The following IDE variants were observed in gnomAD, a reference collection of about 807,000 sequenced individuals.
IDE encodes insulin-degrading enzyme.
IDE carries 58 observed loss-of-function variants against 133.2 expected under a neutral mutation model. That is an observed-to-expected ratio of 0.44 (90% CI 0.35 to 0.54). IDE has a LOEUF of 0.54. Ranked by LOEUF, IDE falls within the 20% of genes least tolerant of loss-of-function variation. The probability of loss-of-function intolerance (pLI) is 0.00; values close to 1 mark genes in which losing one functional copy is unlikely to be tolerated. For synonymous variants in IDE, 396 were observed against 421.3 expected, an observed-to-expected ratio of 0.94 and a Z score of 0.73; for missense variants, 981 against 1,234.0, an observed-to-expected ratio of 0.79 and a Z score of 3.07.
intron 4 of IDE, among the ~76,000 whole-genome samples, chr10:92,530,365 GCTCA>G (rs1403024950): frequency 4.0e-5 from 6 of 151,022 alleles, no homozygotes; most frequent in African/African-American, 1.5e-4. Context: ...CTCAATTGTG[GCTCA>G]CTGCAGTTGA....
chr10:92,498,689 G>C (rs566492309), intron 11 of IDE, among the ~76,000 whole-genome samples: 1 of 152,132 alleles, frequency 6.6e-6, no homozygotes, highest in Non-Finnish European at 1.5e-5. Context: ...CCCGGGAGGC[G>C]GAGGTGCAGT....
chr10:92,541,246 G>T, intron 1 of IDE: 1 of 429,816 alleles, frequency 2.3e-6, no homozygotes, highest in East Asian at 8.0e-5. Context: ...ACAAAGTCTG[G>T]GTTTACCTAT....
At chr10:92,490,087 C>T (rs1403545604) in intron 12 of IDE, among the ~76,000 whole-genome samples, 1 of 152,188 alleles carries the variant, frequency 6.6e-6, no homozygotes, top group African/African-American at 2.4e-5. Flanking sequence ...ATAGCACCTC[C>T]TGAAGTGAAG....
At chr10:92,524,384 ATAT>A (rs1291233083) in intron 4 of IDE, among the ~76,000 whole-genome samples, 1 of 88,830 alleles carries the variant, frequency 1.1e-5, no homozygotes, top group African/African-American at 4.6e-5. Flanking sequence ...ATTATATATA[ATAT>A]ATTTTATATA....
intron 21 of IDE, among the ~76,000 whole-genome samples, chr10:92,462,317 T>TAAAA (rs57235158): frequency 1.1e-4 from 8 of 75,156 alleles, no homozygotes; most frequent in Admixed American, 1.6e-4. Context: ...AACTGTCTCA[T>TAAAA]AAAAAAAAAA....
chr10:92,494,052 C>T (rs1267633886), intron 11 of IDE, among the ~76,000 whole-genome samples: 10 of 152,080 alleles, frequency 6.6e-5, no homozygotes, highest in Non-Finnish European at 7.4e-5. Flanking sequence ...CATTTTAGAC[C>T]ATCTGCCGAA....
chr10:92,465,770 G>A lies in IDE; in HGVS notation c.2394C>T (p.Asp798=), dbSNP rs1227043631. 10 of 1,613,632 alleles carry A rather than the reference G, an allele frequency of 6.2e-6. No homozygotes were observed. Among genetic ancestry groups the A allele is most frequent in the Non-Finnish European group, 7.6e-6 (9 of 1,179,602 alleles). Residue 798 remains aspartate (D), a synonymous_variant, in exon 20 of 25, where the codon GAC becomes GAT. Transcript: ENST00000265986. ...NCGIEIYYQT[D]MQSTSENMFL... is the part of the protein sequence containing the mutation. ...ACATATTCTCTGAGGTGCTTTGCAT[G>A]TCTGTTTGGTAGTATATCTCGATGC...
At chr10:92,552,006 T>C (rs759705554) in intron 1 of IDE, among the ~76,000 whole-genome samples, 2 of 152,180 alleles carry the variant, frequency 1.3e-5, no homozygotes, top group African/African-American at 2.4e-5. Context: ...ATAAATTTTA[T>C]GTTACATATT....
At chr10:92,473,938 C>T (rs1306129954) in intron 17 of IDE, among the ~76,000 whole-genome samples, 3 of 151,790 alleles carry the variant, frequency 2.0e-5, no homozygotes, top group South Asian at 2.1e-4. Context: ...GCTGAGATTG[C>T]ACCACTGCAC....
At chr10:92,488,734 G>A (rs896172051) in intron 12 of IDE, among the ~76,000 whole-genome samples, 18 of 150,860 alleles carry the variant, frequency 1.2e-4, no homozygotes, top group African/African-American at 2.9e-4. Flanking sequence ...CCAAGATGGC[G>A]CCATTGCACT....
At position 92,522,949 on chromosome 10, in the gene IDE, G is replaced by A. The variant is rs529220778; in HGVS notation, c.662-7907C>T. 7.9e-5 allele frequency among the ~76,000 whole-genome samples: 12 copies of A among 152,248 alleles called. No homozygotes were observed. In the South Asian group the frequency reaches 2.3e-3, roughly 29 times the overall value. On this transcript the variant is annotated intron_variant, in intron 4 of 24. Transcript: ENST00000265986. ...AAAATTACACTCAGTGAAATCCTGG[G>A]TTTGCCTTGCTTCCCCAACTAAACT...
At chr10:92,522,805 T>C (rs988596290) in intron 4 of IDE, among the ~76,000 whole-genome samples, 3 of 152,238 alleles carry the variant, frequency 2.0e-5, no homozygotes, top group Admixed American at 6.5e-5. Flanking sequence ...CTGGGGTTAC[T>C]GTGAGAATTA....
intron 4 of IDE, among the ~76,000 whole-genome samples, chr10:92,528,313 G>A (rs183382762): frequency 6.6e-6 from 1 of 152,126 alleles, no homozygotes; most frequent in East Asian, 1.9e-4. Context: ...TTATTGTTGT[G>A]GTTTATTTTT....
rs182056762 is a variant in IDE at position 92,456,462 on chromosome 10, T to C, written c.2824-31A>G. 195 of 1,487,894 alleles carry C rather than the reference T, an allele frequency of 1.3e-4. 1 individual carries two copies. Among genetic ancestry groups the C allele is most frequent in the Middle Eastern group, 8.6e-4 (5 of 5,808 alleles). The allele number at this position is 1,487,894 out of a possible 1,614,324, so 92.2% of individuals were successfully genotyped here. A position where few individuals can be genotyped will look rare whatever the true frequency, so the allele number is the denominator to read the frequency against. The stretch of plus-strand genomic sequence containing the variant: ...CACAAAGAAGAGCAGGGTCACCCTT[T>C]TGCTCCACTAAAGAACTTACAATGA... On this transcript the variant is annotated intron_variant, in intron 22 of 24. Transcript: ENST00000265986.
chr10:92,556,563 G>C (rs1843020393), intron 1 of IDE, among the ~76,000 whole-genome samples: 1 of 152,088 alleles, frequency 6.6e-6, no homozygotes, highest in Non-Finnish European at 1.5e-5. Context: ...TTCGAGACCA[G>C]CCTGGCCAAC....
chr10:92,477,026 G>A (rs761856576), intron 15 of IDE, among the ~76,000 whole-genome samples: 3 of 152,070 alleles, frequency 2.0e-5, no homozygotes, highest in African/African-American at 4.8e-5. Context: ...ATGAGCCACC[G>A]TGCCAGGCAG....
chr10:92,564,711 C>T (rs1483658334), intron 1 of IDE, among the ~76,000 whole-genome samples: 2 of 52,086 alleles, frequency 3.8e-5, no homozygotes, highest in Non-Finnish European at 8.5e-5. Flanking sequence ...AAAAAAAAAA[C>T]TGAAACTGTA....
At chr10:92,490,071 T>C (rs1337955455) in intron 12 of IDE, among the ~76,000 whole-genome samples, 4 of 152,192 alleles carry the variant, frequency 2.6e-5, no homozygotes, top group South Asian at 2.1e-4. Flanking sequence ...ACATGAGGCA[T>C]AAAACATAGC....
At chr10:92,569,719 A>G (rs1330498331) in intron 1 of IDE, among the ~76,000 whole-genome samples, 1 of 152,222 alleles carries the variant, frequency 6.6e-6, no homozygotes, top group African/African-American at 2.4e-5. Flanking sequence ...AAAGACCATT[A>G]ATCAATTAAG....
Sources: allele counts gnomAD v4.1 joint callset (sites outside exome capture counted in the v4.1 genomes callset), GRCh38; gene constraint gnomAD v4.1.1; transcripts MANE v1.5; gene names NCBI Gene and HGNC (gene_info 2026-07-23, HGNC 2026-07-21).